RECQL5: variants seen among roughly 807,000 people sequenced by gnomAD.
The protein encoded by RECQL5 is RecQ like helicase 5, also known as ATP-dependent DNA helicase Q5.
In RECQL5, 88 loss-of-function variants were observed where a neutral mutation model predicts 103.4. The ratio of observed to expected loss-of-function variants is 0.85; its 90% confidence interval spans 0.72 to 1.02. The LOEUF (loss-of-function observed/expected upper bound fraction) is 1.02. RECQL5 is among the 50% of genes least tolerant of loss of function. The probability of loss-of-function intolerance (pLI) is 0.00; values close to 1 mark genes in which losing one functional copy is unlikely to be tolerated. For synonymous variants in RECQL5, 552 were observed against 507.9 expected (o/e 1.09, Z -1.17); for missense variants, 1,232 against 1,284.3 (o/e 0.96, Z 0.62).
chr17:75,664,912 CAAAAAAAA>C (rs371470695), intron 3 of RECQL5, 131 bp downstream of exon 3: 7 of 929,052 alleles, frequency 7.5e-6, no homozygotes, highest in Non-Finnish European at 9.7e-6. Context: ...GACTCTGTCT[CAAAAAAAA>C]AAAAAAAAAA....
chr17:75,631,323 A>C, intron 9 of RECQL5, 74 bp from the exon 10 acceptor site: 1 of 1,551,762 alleles, frequency 6.4e-7, no homozygotes, highest in Admixed American at 1.7e-5. Context: ...CTAGAACGGC[A>C]ATGTCCCTGA....
chr17:75,662,725 A>G lies in RECQL5; in HGVS notation c.525T>C (p.Arg175=). The change falls in exon 4 of 20, where the codon CGT becomes CGC. Residue 175 remains arginine (R), a synonymous_variant. Transcript: ENST00000317905. ...WGHDFRPDYL[R]LGALRSRLGH... is the part of the protein sequence containing the mutation. ...CCAGGCGGGAGCGCAGGGCACCCAG[A>G]CGCAAGTAGTCAGGACGAAAGTCAT... is the stretch of plus-strand genomic sequence containing the variant. The G allele has an allele frequency of 6.2e-7, 1 of 1,614,044 alleles. No homozygotes were observed.
intron 8 of RECQL5, chr17:75,638,222 A>T (rs1402518452): frequency 6.6e-6 from 1 of 151,940 alleles, no homozygotes. Flanking sequence ...AGTGGCTCAC[A>T]CCTGTAATCC....
At position 75,629,110 on chromosome 17, in the gene RECQL5, C is replaced by T; in HGVS notation, c.2313G>A (p.Arg771=). 3 of 1,613,736 alleles carry T rather than the reference C, an allele frequency of 1.9e-6. No individual in the cohort carries two copies. Among genetic ancestry groups the T allele is most frequent in the Non-Finnish European group, 2.5e-6 (3 of 1,179,982 alleles). ...ATGCCAGCAGAGCTGGGCTTTCCAC[C>T]CTTCGGCAGAAGAAGCGGGCGATGC... is the stretch of plus-strand genomic sequence containing the variant. ...SQSIARFFCR[R]VESPALLASA... is the part of the protein sequence containing the mutation. Residue 771 remains arginine, a synonymous_variant, in exon 16 of 20, where the codon AGG becomes AGA. Coordinates refer to ENST00000317905, the MANE Select transcript of RECQL5 (RefSeq NM_004259.7).
Position 75,640,008 on chromosome 17 carries a change from T to G in RECQL5, c.1230-8340A>C. 1 of 709,256 alleles carries G rather than the reference T, an allele frequency of 1.4e-6. No individual in the cohort carries two copies. Among genetic ancestry groups the G allele is most frequent in the East Asian group, 3.0e-5 (1 of 33,478 alleles). 43.9% of individuals were successfully genotyped at this position (709,256 alleles called of 1,614,324 possible). ...TGAGCTGTGTCAGCTGGGTGGGGAC[T>G]GAGGGCCACCACTAGGTGGAAGTCA... is the stretch of plus-strand genomic sequence containing the variant. On this transcript the variant is annotated intron_variant, in intron 8 of 19. Transcript: ENST00000317905. This position sits in a 1 kb window ranked among gnomAD's most constrained non-coding sequence, Gnocchi z 4.6.
chr17:75,656,744 C>CT (rs35330392), intron 7 of RECQL5, among the ~76,000 whole-genome samples: 2 of 82,614 alleles, frequency 2.4e-5, no homozygotes, highest in African/African-American at 9.2e-5. Context: ...CTTCTATTGT[C>CT]TTTTTTTTTT....
intron 7 of RECQL5, among the ~76,000 whole-genome samples, chr17:75,653,392 CCT>C (rs1266945645): frequency 6.6e-6 from 1 of 152,154 alleles, no homozygotes; most frequent in Non-Finnish European, 1.5e-5. Flanking sequence ...AGGTAATTCC[CCT>C]CTTAGTGACC....
Position 75,630,821 on chromosome 17 carries a change from C to T in RECQL5, c.1602G>A (p.Leu534=). 1 of 1,443,376 alleles carries T rather than the reference C, an allele frequency of 6.9e-7. No homozygotes were observed. Among genetic ancestry groups the T allele is most frequent in the Non-Finnish European group, 9.2e-7 (1 of 1,085,790 alleles). 89.4% of individuals were successfully genotyped at this position (1,443,376 alleles called of 1,614,324 possible). A position where few individuals can be genotyped will look rare whatever the true frequency, so the allele number is the denominator to read the frequency against. ...GGATCCTCCTGCTAGAAGCCTCTTT[C>T]AGGGGACAGTTCTCATCTGTGGGGG... is the stretch of plus-strand genomic sequence containing the variant. ...EFVPPDENCP[L]KEASSRRIPR... Residue 534 remains leucine (L), a synonymous_variant, in exon 12 of 20, where the codon CTG becomes CTA. Transcript: ENST00000317905.
At chr17:75,660,738 T>C (rs1014669449) in intron 6 of RECQL5, among the ~76,000 whole-genome samples, 2 of 152,198 alleles carry the variant, frequency 1.3e-5, no homozygotes, top group South Asian at 4.1e-4. Flanking sequence ...TGCTGCCCCA[T>C]CCTGGGGGGT....
In RECQL5 at chr17:75,640,131, CGT is replaced by C; in HGVS notation, c.1230-8465_1230-8464del. On this transcript the variant is annotated intron_variant, in intron 8 of 19. Transcript: ENST00000317905. The surrounding 1 kb of genome is among the most constrained non-coding windows in gnomAD (Gnocchi z 4.6). The stretch of plus-strand genomic sequence containing the variant: ...GTGCTGCGACGAGTGTGGGGCCAGC[CGT>C]GGAGGCTCCAGGTGTTCTCTCTGCC... The C allele has an allele frequency of 6.8e-7, 1 of 1,465,602 alleles. No individual in the cohort carries two copies. Among genetic ancestry groups the C allele is most frequent in the East Asian group, 2.5e-5 (1 of 40,122 alleles). 90.8% of individuals were successfully genotyped at this position (1,465,602 alleles called of 1,614,324 possible). A position where few individuals can be genotyped will look rare whatever the true frequency, so the allele number is the denominator to read the frequency against.
Position 75,640,879 on chromosome 17 carries a change from G to A in RECQL5, c.1230-9211C>T, listed in dbSNP as rs201220906. The A allele has an allele frequency of 9.8e-3, 15,134 of 1,546,228 alleles. 120 individuals carry two copies. The highest frequency in any genetic ancestry group is 0.012 in the Non-Finnish European group (13,971 of 1,146,940). ...AGCGGAGAGGCAGGAAGGTCCAGGT[G>A]CAGCCGACACCACCATGACGGACGG... is the stretch of plus-strand genomic sequence containing the variant. On this transcript the variant is annotated intron_variant, in intron 8 of 19. Coordinates refer to ENST00000317905, the MANE Select transcript of RECQL5 (RefSeq NM_004259.7). This position sits in a 1 kb window ranked among gnomAD's most constrained non-coding sequence, Gnocchi z 4.6.
chr17:75,635,428 TGAA>T (rs2059302243), intron 8 of RECQL5, among the ~76,000 whole-genome samples: 3 of 151,866 alleles, frequency 2.0e-5, no homozygotes, highest in Admixed American at 1.3e-4. Flanking sequence ...GGACGGAGGG[TGAA>T]TGAACAGCCA....
At chr17:75,628,034 C>A (rs1437017422) in intron 18 of RECQL5, among the ~76,000 whole-genome samples, 184 bp downstream of exon 18, 1 of 151,866 alleles carries the variant, frequency 6.6e-6, no homozygotes, top group East Asian at 1.9e-4. Context: ...AGAGCAGGAC[C>A]CTGCCCTGAC....
In RECQL5 at chr17:75,662,788, C is replaced by G. The variant is rs1308025827; in HGVS notation, c.462G>C (p.Leu154Phe). The change falls in exon 4 of 20, where the codon TTG becomes TTC. Residue 154 changes from leucine (L) to phenylalanine (F), a missense_variant. Leu to Phe is a conservative substitution (Grantham distance 22, BLOSUM62 0). Transcript: ENST00000317905. ...AAACACAATGAGCTTCATCCACCACCAAGTAAGACAGCAGGTGGCGGGACA... is the reference window on the plus strand; with the variant it reads ...AAACACAATGAGCTTCATCCACCACGAAGTAAGACAGCAGGTGGCGGGACA... ...SLVSRHLLSYLVVDEAHCVSQ... is the reference protein window; with the variant it reads ...SLVSRHLLSYFVVDEAHCVSQ... The G allele has an allele frequency of 6.2e-7, 1 of 1,614,006 alleles. No individual in the cohort carries two copies. The highest frequency in any genetic ancestry group is 8.5e-7 in the Non-Finnish European group (1 of 1,180,050).
At position 75,640,450 on chromosome 17, in the gene RECQL5, T is replaced by C. The variant is rs1288936707; in HGVS notation, c.1230-8782A>G. On this transcript the variant is annotated intron_variant, in intron 8 of 19. Coordinates refer to ENST00000317905, the MANE Select transcript of RECQL5 (RefSeq NM_004259.7). The surrounding 1 kb of genome is among the most constrained non-coding windows in gnomAD (Gnocchi z 4.6). ...CTGCCGGATCAAGGAGGAAAACCAG[T>C]TGTCCCTTGGGGGAAGCCAAGGGAC... 2.1e-6 allele frequency: 3 copies of C among 1,409,618 alleles called. No homozygotes were observed. The highest frequency in any genetic ancestry group is 2.5e-5 in the East Asian group (1 of 39,460). 87.3% of individuals were successfully genotyped at this position (1,409,618 alleles called of 1,614,324 possible). A position where few individuals can be genotyped will look rare whatever the true frequency, so the allele number is the denominator to read the frequency against.
chr17:75,652,057 T>G (rs1324059118), intron 7 of RECQL5, among the ~76,000 whole-genome samples: 1 of 151,926 alleles, frequency 6.6e-6, no homozygotes, highest in Admixed American at 6.6e-5. Context: ...TGAAACTCCA[T>G]CTCTACTAAA....
rs1289049595 is a variant in RECQL5, at chr17:75,662,536, G to A, written c.714C>T (p.Pro238=). The A allele has an allele frequency of 6.2e-7, 1 of 1,614,192 alleles. No homozygotes were observed. Among genetic ancestry groups the A allele is most frequent in the Non-Finnish European group, 8.5e-7 (1 of 1,180,038 alleles). ...GGCAGAAGTCCTTCAGGTTCCCATA[G>A]GGATCAGAAATCAGTTCCTTGAATT... is the stretch of plus-strand genomic sequence containing the variant. ...DVQFKELISD[P]YGNLKDFCLK... is the part of the protein sequence containing the mutation. The change falls in exon 4 of 20, where the codon CCC becomes CCT. Residue 238 remains proline (P), a synonymous_variant. Transcript: ENST00000317905.
chr17:75,629,230 C>G lies in RECQL5; in HGVS notation c.2193G>C (p.Lys731Asn), dbSNP rs904222202. 6.2e-7 allele frequency: 1 copy of G among 1,612,862 alleles called. No homozygotes were observed. ...AGCTGCCCCCAGAGGAACTTTTTGC[C>G]TTCTTCTCAGGGGAGGGCCCCCCAT... is the stretch of plus-strand genomic sequence containing the variant. ...AHYGGPSPEKKAKSSSGGSSL... is the reference protein window; with the variant it reads ...AHYGGPSPEKNAKSSSGGSSL... The change falls in exon 16 of 20, where the codon AAG becomes AAC. Residue 731 changes from lysine to asparagine, a missense_variant. By Grantham distance (94) the Lys-to-Asn change is moderately conservative. Coordinates refer to ENST00000317905, the MANE Select transcript of RECQL5 (RefSeq NM_004259.7).
Position 75,629,853 on chromosome 17 carries a change from A to C in RECQL5, c.1813-11T>G. ...GTGGATATCGGCCACCTGGGCAGGG[A>C]TAGGCAGGGAGGCTGTGGCACCCGC... On this transcript the variant is annotated splice_polypyrimidine_tract_variant and intron_variant, in intron 14 of 19. Coordinates refer to ENST00000317905, the MANE Select transcript of RECQL5 (RefSeq NM_004259.7). 2 of 1,587,472 alleles carry C rather than the reference A, an allele frequency of 1.3e-6. No individual in the cohort carries two copies. The highest frequency in any genetic ancestry group is 8.6e-7 in the Non-Finnish European group (1 of 1,164,864).
Sources: allele counts gnomAD v4.1 joint callset (sites outside exome capture counted in the v4.1 genomes callset), GRCh38; gene constraint gnomAD v4.1.1; non-coding constraint Gnocchi (gnomAD v3.1); transcripts MANE v1.5; gene names NCBI Gene and HGNC (gene_info 2026-07-23, HGNC 2026-07-21).